TAOK3: variants seen among roughly 807,000 people sequenced by gnomAD.
TAOK3 encodes the protein TAO kinase 3.
In TAOK3, 40 loss-of-function variants were observed where a neutral mutation model predicts 120.4. The observed-to-expected ratio is 0.33, with a 90% CI of 0.26 to 0.43. The LOEUF is 0.43. Ranked by LOEUF, TAOK3 falls within the 20% of genes least tolerant of loss-of-function variation. TAOK3 has a pLI of 1.00. For missense variants in TAOK3, 821 were observed against 1,112.1 expected (o/e 0.74, Z 3.72); for synonymous variants, 355 against 387.5 (o/e 0.92, Z 0.99).
intron 13 of TAOK3, among the ~76,000 whole-genome samples, chr12:118,196,954 A>G (rs568818760): frequency 2.6e-5 from 4 of 152,232 alleles, no homozygotes; most frequent in African/African-American, 9.6e-5. Flanking sequence ...AGTTTAATAT[A>G]CAAAATTTTC....
chr12:118,248,303 A>T (rs913612316), intron 3 of TAOK3, among the ~76,000 whole-genome samples: 1 of 151,986 alleles, frequency 6.6e-6, no homozygotes, highest in South Asian at 2.1e-4. Context: ...TCCACTAGAC[A>T]TAATTTTCCA....
chr12:118,150,774 G>A lies in TAOK3; in HGVS notation c.*223C>T, dbSNP rs1409470720. 6 of 530,896 alleles carry A rather than the reference G, an allele frequency of 1.1e-5. No individual in the cohort carries two copies. The highest frequency in any genetic ancestry group is 6.1e-5 in the East Asian group (2 of 32,688). 32.9% of individuals were successfully genotyped at this position (530,896 alleles called of 1,614,324 possible). On this transcript the variant is annotated 3_prime_UTR_variant, in exon 21 of 21. Transcript: ENST00000392533. ...GACGTGTACTGTGAATAGAAGAGAC[G>A]GCCAGGTTTTGGCCAGCACTGAAAG... is the stretch of plus-strand genomic sequence containing the variant.
intron 1 of TAOK3, among the ~76,000 whole-genome samples, chr12:118,363,018 C>CAAAAA (rs60475060): frequency 0.013 from 576 of 45,722 alleles, 1 homozygote; most frequent in Non-Finnish European, 0.014. Context: ...GACTCCGTAT[C>CAAAAA]AAAAAAAAAA....
intron 14 of TAOK3, among the ~76,000 whole-genome samples, chr12:118,184,448 T>C (rs1246954299): frequency 2.0e-5 from 3 of 152,204 alleles, no homozygotes; most frequent in Non-Finnish European, 2.9e-5. Context: ...TAAAAAATAA[T>C]AGCTGATAAC....
chr12:118,234,256 T>A (rs1433681314), intron 8 of TAOK3, among the ~76,000 whole-genome samples: 1 of 128,148 alleles, frequency 7.8e-6, no homozygotes, highest in African/African-American at 3.0e-5. Flanking sequence ...TGAGACGGAG[T>A]CTGGCTCTGT....
intron 17 of TAOK3, among the ~76,000 whole-genome samples, chr12:118,162,881 A>T (rs930510491): frequency 2.0e-5 from 3 of 152,214 alleles, no homozygotes; most frequent in African/African-American, 7.2e-5. Context: ...ATTGAAGAAT[A>T]TTTCCTAAAT....
chr12:118,180,991 T>C (rs1314386968), intron 15 of TAOK3, among the ~76,000 whole-genome samples: 1 of 151,920 alleles, frequency 6.6e-6, no homozygotes, highest in East Asian at 1.9e-4. Flanking sequence ...ATTACAGGCA[T>C]GTGCCACCAT....
chr12:118,253,026 G>A (rs769305396), intron 3 of TAOK3, among the ~76,000 whole-genome samples: 5 of 152,190 alleles, frequency 3.3e-5, no homozygotes, highest in East Asian at 1.9e-4. Flanking sequence ...GCGCCCAGCC[G>A]AAATTAGCAC....
chr12:118,260,598 A>G (rs1403577770), intron 2 of TAOK3, among the ~76,000 whole-genome samples: 2 of 152,202 alleles, frequency 1.3e-5, no homozygotes, highest in African/African-American at 2.4e-5. Flanking sequence ...ATATATTGAA[A>G]AGGGTGGAGA....
At chr12:118,151,953 A>G (rs1159351011) in intron 20 of TAOK3, among the ~76,000 whole-genome samples, 1 of 152,160 alleles carries the variant, frequency 6.6e-6, no homozygotes, top group Non-Finnish European at 1.5e-5. Flanking sequence ...CAACCACCCC[A>G]GCAACCCACA....
chr12:118,321,505 C>T (rs1401493730), intron 1 of TAOK3, among the ~76,000 whole-genome samples: 1 of 152,158 alleles, frequency 6.6e-6, no homozygotes, highest in Non-Finnish European at 1.5e-5. Flanking sequence ...AGCAATCCTC[C>T]TACCTCGGTT....
chr12:118,337,148 T>A, intron 1 of TAOK3, among the ~76,000 whole-genome samples: 1 of 152,110 alleles, frequency 6.6e-6, no homozygotes, highest in Non-Finnish European at 1.5e-5. Flanking sequence ...CAAATAAACA[T>A]ATGAAAAGAT....
At chr12:118,252,328 C>T (rs1566016886) in intron 3 of TAOK3, among the ~76,000 whole-genome samples, 1 of 152,108 alleles carries the variant, frequency 6.6e-6, no homozygotes, top group Non-Finnish European at 1.5e-5. Flanking sequence ...AACCAATTTA[C>T]ATTTTTAGGA....
At chr12:118,353,634 C>T (rs1337033187) in intron 1 of TAOK3, among the ~76,000 whole-genome samples, 2 of 152,026 alleles carry the variant, frequency 1.3e-5, no homozygotes, top group East Asian at 1.9e-4. Flanking sequence ...TGAAGGCAGG[C>T]CCCTGTGGTA....
At chr12:118,320,657 C>CA (rs771570294) in intron 1 of TAOK3, among the ~76,000 whole-genome samples, 29 of 151,890 alleles carry the variant, frequency 1.9e-4, no homozygotes, top group African/African-American at 4.8e-4. Context: ...ATTAAAGAAA[C>CA]AAAAAACAAA....
At chr12:118,350,000 A>G (rs2045063282) in intron 1 of TAOK3, among the ~76,000 whole-genome samples, 2 of 152,226 alleles carry the variant, frequency 1.3e-5, no homozygotes, top group Admixed American at 1.3e-4. Context: ...TCACTGTGAG[A>G]CTCACAATAT....
chr12:118,168,097 GA>G (rs1264573333), intron 17 of TAOK3, among the ~76,000 whole-genome samples: 4 of 152,078 alleles, frequency 2.6e-5, no homozygotes, highest in African/African-American at 9.7e-5. Context: ...TATGTATATA[GA>G]AAAAAACCTA....
chr12:118,291,709 G>A (rs2042488878), intron 1 of TAOK3, among the ~76,000 whole-genome samples: 1 of 152,098 alleles, frequency 6.6e-6, no homozygotes, highest in Admixed American at 6.6e-5. Flanking sequence ...TAAGGAACTG[G>A]CATTTGAGAT....
Position 118,243,441 on chromosome 12 carries a change from AGCC to A in TAOK3, c.265_267del (p.Gly89del). 1 of 1,575,308 alleles carries A rather than the reference AGCC, an allele frequency of 6.3e-7. No homozygotes were observed. Among genetic ancestry groups the A allele is most frequent in the Non-Finnish European group, 8.6e-7 (1 of 1,164,748 alleles). On this transcript the variant is annotated inframe_deletion, in exon 5 of 21. Transcript: ENST00000392533. Reference sequence around the variant, plus strand: ...CAAGCAGTGTGTTCTTTCAAGTAACAGCCTTTGTACTCAATAGTATTAGGATGC... The same window carrying A: ...CAAGCAGTGTGTTCTTTCAAGTAACATTTGTACTCAATAGTATTAGGATGC...
Sources: allele counts gnomAD v4.1 joint callset (sites outside exome capture counted in the v4.1 genomes callset), GRCh38; gene constraint gnomAD v4.1.1; transcripts MANE v1.5; gene names NCBI Gene and HGNC (gene_info 2026-07-23, HGNC 2026-07-21).